Variants in CPNE4 observed in about 807,000 individuals in gnomAD.
The protein encoded by CPNE4 is copine 4.
A neutral mutation model predicts 67.9 loss-of-function variants in CPNE4; 25 were observed. The ratio of observed to expected loss-of-function variants is 0.37; its 90% CI spans 0.27 to 0.51. CPNE4 has a LOEUF of 0.51. Among genes scored for constraint, CPNE4 ranks in the 20% least tolerant of loss-of-function variants. CPNE4 has a pLI of 0.93. For missense variants in CPNE4, 464 were observed against 690.8 expected (o/e 0.67, Z 3.68); for synonymous variants, 242 against 244.9 (o/e 0.99, Z 0.11).
rs567945858 is a variant in CPNE4, at chr3:131,779,201, GA to G, written c.181-55577del. Among the ~76,000 whole-genome samples, 96 of 152,036 alleles carry G rather than the reference GA, an allele frequency of 6.3e-4. 1 individual carries two copies. The highest frequency in any genetic ancestry group is 2.2e-3 in the African/African-American group (90 of 41,508). ...AAATCAGAGACTACACAAACAAATG[GA>G]AAAATATTCCACATTCATGGATAGG... On this transcript the variant is annotated intron_variant, in intron 2 of 15. Transcript: ENST00000429747.
chr3:131,907,713 G>A (rs2088827427), intron 1 of CPNE4, among the ~76,000 whole-genome samples: 1 of 152,106 alleles, frequency 6.6e-6, no homozygotes, highest in Non-Finnish European at 1.5e-5. Context: ...GAACTGAGTA[G>A]TTGCAATAGA....
At chr3:131,796,430 C>G (rs1384058851) in intron 2 of CPNE4, among the ~76,000 whole-genome samples, 4 of 152,156 alleles carry the variant, frequency 2.6e-5, no homozygotes. Context: ...TGGGCCTGCT[C>G]CCTCAGGTCA....
chr3:131,550,672 C>T (rs987581024), intron 13 of CPNE4, among the ~76,000 whole-genome samples: 3 of 152,018 alleles, frequency 2.0e-5, no homozygotes, highest in African/African-American at 7.2e-5. Context: ...TTTTGTATTT[C>T]CCCAAAGAGC....
At chr3:131,786,541 C>A (rs2083568219) in intron 2 of CPNE4, among the ~76,000 whole-genome samples, 3 of 152,086 alleles carry the variant, frequency 2.0e-5, no homozygotes, top group African/African-American at 7.2e-5. Flanking sequence ...GAGATAAACA[C>A]TTATATGTCT....
At chr3:131,987,084 A>C (rs1007170178) in intron 1 of CPNE4, among the ~76,000 whole-genome samples, 12 of 152,198 alleles carry the variant, frequency 7.9e-5, no homozygotes, top group African/African-American at 2.7e-4. Context: ...CACTTCTCAA[A>C]TTTGAATGTG....
At chr3:131,799,919 T>TGTGTGTGTGTTG (rs144238304) in intron 2 of CPNE4, among the ~76,000 whole-genome samples, 2 of 145,582 alleles carry the variant, frequency 1.4e-5, no homozygotes, top group African/African-American at 5.1e-5. Flanking sequence ...TGTGTGTGTG[T>TGTGTGTGTGTTG]TGTGTGTGTG....
chr3:132,027,187 G>A (rs2074131472), intron 1 of CPNE4, among the ~76,000 whole-genome samples: 1 of 152,200 alleles, frequency 6.6e-6, no homozygotes, highest in Non-Finnish European at 1.5e-5. Context: ...GAAGCATGAA[G>A]TGGAGAGGAG....
At chr3:131,628,255 C>A (rs1364732645) in intron 7 of CPNE4, among the ~76,000 whole-genome samples, 1 of 152,168 alleles carries the variant, frequency 6.6e-6, no homozygotes, top group African/African-American at 2.4e-5. Context: ...TGAAGGCATA[C>A]CCAAGACTGG....
At chr3:131,730,982 C>T (rs1036734051) in intron 2 of CPNE4, among the ~76,000 whole-genome samples, 1 of 152,140 alleles carries the variant, frequency 6.6e-6, no homozygotes, top group African/African-American at 2.4e-5. Flanking sequence ...CTGGCAGCAC[C>T]ACTTAATGGA....
intron 1 of CPNE4, among the ~76,000 whole-genome samples, chr3:131,968,498 A>T (rs998947586): frequency 6.6e-6 from 1 of 152,246 alleles, no homozygotes; most frequent in Non-Finnish European, 1.5e-5. Context: ...TGAGGAACTT[A>T]AACAAATTTA....
At chr3:131,984,754 C>A (rs1480584536) in intron 1 of CPNE4, among the ~76,000 whole-genome samples, 1 of 152,182 alleles carries the variant, frequency 6.6e-6, no homozygotes, top group African/African-American at 2.4e-5. Flanking sequence ...GAATTGATGA[C>A]TGATAGGAGT....
At chr3:131,621,135 T>C (rs764897392) in intron 7 of CPNE4, among the ~76,000 whole-genome samples, 2 of 152,182 alleles carry the variant, frequency 1.3e-5, no homozygotes, top group Non-Finnish European at 2.9e-5. Flanking sequence ...CATTTCTGGG[T>C]GAATAAGCCC....
At chr3:131,963,640 TCAC>T (rs1382549418) in intron 1 of CPNE4, among the ~76,000 whole-genome samples, 1 of 152,132 alleles carries the variant, frequency 6.6e-6, no homozygotes, top group African/African-American at 2.4e-5. Context: ...TCGGCAAAAC[TCAC>T]CGCAGGGCAG....
At chr3:131,858,865 C>T (rs2086560687) in intron 2 of CPNE4, among the ~76,000 whole-genome samples, 1 of 152,092 alleles carries the variant, frequency 6.6e-6, no homozygotes, top group African/African-American at 2.4e-5. Context: ...GGGATGCAAA[C>T]ACTTTGAGCT....
rs149355209 is a variant in CPNE4, at chr3:131,682,970, C to T, written c.591+2905G>A. Among the ~76,000 whole-genome samples the T allele has an allele frequency of 5.3e-5, 8 of 152,194 alleles. No individual in the cohort carries two copies. The East Asian group carries it at 1.5e-3, about 29-fold the overall frequency. Reference sequence around the variant, plus strand: ...GCCTACCACCAACGTTCACTCAGGGCCCAAATATTCACTAGTCAGCTTGTG... The same window carrying T: ...GCCTACCACCAACGTTCACTCAGGGTCCAAATATTCACTAGTCAGCTTGTG... On this transcript the variant is annotated intron_variant, in intron 6 of 15. Transcript: ENST00000429747.
At chr3:131,828,831 T>C (rs1296932545) in intron 2 of CPNE4, among the ~76,000 whole-genome samples, 1 of 152,096 alleles carries the variant, frequency 6.6e-6, no homozygotes, top group East Asian at 1.9e-4. Flanking sequence ...AAGACCTGAC[T>C]CTAAAAACAA....
At chr3:131,934,933 T>G (rs571634845) in intron 1 of CPNE4, among the ~76,000 whole-genome samples, 20 of 152,282 alleles carry the variant, frequency 1.3e-4, no homozygotes, top group African/African-American at 4.6e-4. Flanking sequence ...GATTTCCTAT[T>G]TGATGGCTTC....
intron 1 of CPNE4, among the ~76,000 whole-genome samples, chr3:131,953,239 T>TAAAAAAAAAAAAAAAA (rs1167094357): frequency 1.0e-5 from 1 of 97,128 alleles, no homozygotes; most frequent in South Asian, 3.7e-4. Context: ...AATGATCAAT[T>TAAAAAAAAAAAAAAAA]AAAAAAAAAA....
intron 2 of CPNE4, among the ~76,000 whole-genome samples, chr3:131,772,501 A>G (rs62279048): frequency 0.21 from 31,361 of 152,096 alleles, 3,966 homozygotes; most frequent in Middle Eastern, 0.27. Context: ...TGATAGTATC[A>G]GAATCCCTAT....
Sources: gnomAD v4.1 joint callset for allele counts (sites outside exome capture counted in the v4.1 genomes callset) on GRCh38, gnomAD v4.1.1 for gene constraint, MANE v1.5 for transcripts, NCBI Gene and HGNC (gene_info 2026-07-23, HGNC 2026-07-21) for gene names.